The following LMTK2 variants were observed in gnomAD, a reference collection of about 807,000 sequenced individuals.
LMTK2 encodes the protein serine/threonine-protein kinase LMTK2.
In LMTK2, 37 loss-of-function variants were observed where a neutral mutation model predicts 127.5. That is an observed-to-expected ratio of 0.29 (90% CI 0.22 to 0.38). LMTK2 has a LOEUF of 0.38. LMTK2 is among the 10% of genes least tolerant of loss of function. The probability of loss-of-function intolerance (pLI) is 1.00; values close to 1 mark genes in which losing one functional copy is unlikely to be tolerated. For synonymous variants in LMTK2, 819 were observed against 810.1 expected (o/e 1.01, Z -0.19); for missense variants, 1,694 against 1,920.3 (o/e 0.88, Z 2.20).
intron 2 of LMTK2, among the ~76,000 whole-genome samples, chr7:98,140,147 C>CG (rs1796664864): frequency 3.2e-5 from 2 of 62,748 alleles, no homozygotes; most frequent in African/African-American, 2.5e-4. Context: ...TCTTTCTTTT[C>CG]TTTTCTTTTC....
chr7:98,187,463 C>T (rs529592744), intron 9 of LMTK2, among the ~76,000 whole-genome samples: 1 of 151,778 alleles, frequency 6.6e-6, no homozygotes, highest in East Asian at 1.9e-4. Context: ...TGCTGTTGTC[C>T]TGCTTTTTTT....
intron 5 of LMTK2, among the ~76,000 whole-genome samples, chr7:98,157,251 C>CGGTAGGTA (rs60034734): frequency 2.0e-4 from 28 of 142,046 alleles, no homozygotes; most frequent in African/African-American, 5.5e-4. Context: ...GACCCTGTCT[C>CGGTAGGTA]GGTAGGTAGG....
At chr7:98,198,676 C>T (rs991018115) in intron 11 of LMTK2, among the ~76,000 whole-genome samples, 2 of 152,026 alleles carry the variant, frequency 1.3e-5, no homozygotes, top group African/African-American at 4.8e-5. Flanking sequence ...TTTTTTGTTT[C>T]GTCATGTTGC....
intron 1 of LMTK2, among the ~76,000 whole-genome samples, chr7:98,122,393 A>C (rs1450512741): frequency 1.3e-5 from 2 of 152,142 alleles, no homozygotes; most frequent in Non-Finnish European, 2.9e-5. Context: ...GGAATCCGCA[A>C]CTGCTGTAGG....
intron 2 of LMTK2, among the ~76,000 whole-genome samples, chr7:98,140,509 TAC>T (rs1796680500): frequency 6.6e-6 from 1 of 152,120 alleles, no homozygotes; most frequent in Non-Finnish European, 1.5e-5. Context: ...ATATGTTAAT[TAC>T]ACTTATGCGT....
Position 98,192,543 on chromosome 7 carries a change from T to C in LMTK2, c.2078T>C (p.Ile693Thr), listed in dbSNP as rs56204700. The C allele has an allele frequency of 0.042, 67,758 of 1,612,408 alleles. 5,333 individuals are homozygous for C. The highest frequency in any genetic ancestry group is 0.33 in the East Asian group (14,742 of 44,866). ...GHFEKEKPRK[I>T]FDSEPLCLSD... Reference sequence around the variant, plus strand: ...TTTGAGAAAGAAAAGCCCCGTAAGATTTTTGACAGTGAGCCTCTCTGCCTA... The same window carrying C: ...TTTGAGAAAGAAAAGCCCCGTAAGACTTTTGACAGTGAGCCTCTCTGCCTA... Residue 693 changes from isoleucine (I) to threonine (T), a missense_variant, in exon 11 of 14, where the codon ATT (isoleucine) becomes ACT (threonine). Transcript: ENST00000297293.
Position 98,192,722 on chromosome 7 carries a change from G to A in LMTK2, c.2257G>A (p.Gly753Ser). The A allele has an allele frequency of 6.2e-7, 1 of 1,612,414 alleles. No individual in the cohort carries two copies. Among genetic ancestry groups the A allele is most frequent in the South Asian group, 1.1e-5 (1 of 90,844 alleles). Residue 753 changes from glycine (G) to serine (S), a missense_variant, in exon 11 of 14, where the codon GGT (glycine) becomes AGT (serine). Transcript: ENST00000297293. ...TCTTCAGACAGAACTTAAGAATGCTGGTTTTACTGAAGCTATGTTAGAAAC... is the reference window on the plus strand; with the variant it reads ...TCTTCAGACAGAACTTAAGAATGCTAGTTTTACTGAAGCTATGTTAGAAAC... ...NDLQTELKNA[G>S]FTEAMLETSC...
intron 7 of LMTK2, among the ~76,000 whole-genome samples, chr7:98,184,848 T>C (rs1162531347): frequency 6.6e-6 from 1 of 152,230 alleles, no homozygotes; most frequent in Admixed American, 6.5e-5. Flanking sequence ...TGCCTAAAAG[T>C]GTGATCATCT....
Position 98,193,939 on chromosome 7 carries a change from C to T in LMTK2, c.3474C>T (p.Ser1158=). The T allele has an allele frequency of 6.2e-7, 1 of 1,614,102 alleles. No homozygotes were observed. The highest frequency in any genetic ancestry group is 8.5e-7 in the Non-Finnish European group (1 of 1,180,044). ...ATAGCTGCCTGGAAGCCAGAAAGAG[C>T]CAGCCAGATGAAAGTTGTCTGTCTG... The part of the protein sequence containing the change: ...AQDSCLEARK[S]QPDESCLSAL... The change falls in exon 11 of 14, where the codon AGC becomes AGT. Residue 1158 remains serine, a synonymous_variant. Coordinates refer to ENST00000297293, the MANE Select transcript of LMTK2 (RefSeq NM_014916.4). The surrounding 1 kb of genome is among the most constrained non-coding windows in gnomAD (Gnocchi z 4.1).
chr7:98,171,802 GCGATCTC>G lies in LMTK2; in HGVS notation c.791+129_791+135del. On this transcript the variant is annotated intron_variant, in intron 7 of 13. Transcript: ENST00000297293. The surrounding 1 kb of genome is among the most constrained non-coding windows in gnomAD (Gnocchi z 5.1). ...ATGAACCCAGCTCATGTAGGTAGAA[GCGATCTC>G]GTTCTTACCCATGTCCGGATAAGGG... The G allele has an allele frequency of 9.5e-7, 1 of 1,055,436 alleles. No homozygotes were observed. 65.4% of individuals were successfully genotyped at this position (1,055,436 alleles called of 1,614,324 possible).
chr7:98,160,030 T>C (rs1366714808), intron 6 of LMTK2, among the ~76,000 whole-genome samples: 10 of 152,230 alleles, frequency 6.6e-5, no homozygotes, highest in Non-Finnish European at 1.0e-4. Context: ...CAGTAGTAAT[T>C]TCTATGTGAA....
intron 7 of LMTK2, among the ~76,000 whole-genome samples, chr7:98,179,907 C>T (rs1404557394): frequency 6.6e-6 from 1 of 152,188 alleles, no homozygotes; most frequent in East Asian, 1.9e-4. Context: ...ACTGCATCAT[C>T]GTTGAGAGTT....
At chr7:98,172,501 C>T (rs145821960) in intron 7 of LMTK2, among the ~76,000 whole-genome samples, 76 of 152,118 alleles carry the variant, frequency 5.0e-4, no homozygotes, top group African/African-American at 1.6e-3. Context: ...CTTGGAGTCC[C>T]GTCTCAAATG....
intron 11 of LMTK2, among the ~76,000 whole-genome samples, chr7:98,202,971 GA>G (rs1215903432): frequency 2.0e-5 from 3 of 152,146 alleles, no homozygotes; most frequent in African/African-American, 4.8e-5. Flanking sequence ...GGACAGAAGG[GA>G]AAAAAACTCA....
At chr7:98,158,311 G>A (rs1278636485) in intron 5 of LMTK2, among the ~76,000 whole-genome samples, 1 of 152,138 alleles carries the variant, frequency 6.6e-6, no homozygotes, top group Non-Finnish European at 1.5e-5. Context: ...GTCTTGTTTT[G>A]TCCCCCGGGC....
At chr7:98,172,436 G>A (rs1325046018) in intron 7 of LMTK2, among the ~76,000 whole-genome samples, 2 of 151,382 alleles carry the variant, frequency 1.3e-5, no homozygotes, top group Non-Finnish European at 2.9e-5. Flanking sequence ...TTTGGAACAC[G>A]TTATATTTTG....
intron 11 of LMTK2, among the ~76,000 whole-genome samples, chr7:98,200,215 A>G (rs1003424286): frequency 1.3e-5 from 2 of 152,120 alleles, no homozygotes; most frequent in South Asian, 2.1e-4. Flanking sequence ...TGGAAACCCT[A>G]CTGTCACTTA....
intron 1 of LMTK2, among the ~76,000 whole-genome samples, chr7:98,122,379 T>A (rs1370879521): frequency 1.3e-5 from 2 of 152,148 alleles, no homozygotes; most frequent in Non-Finnish European, 2.9e-5. Flanking sequence ...CCTGGATGGT[T>A]TTAGGAATCC....
chr7:98,156,038 T>A (rs1270524264), intron 5 of LMTK2, among the ~76,000 whole-genome samples: 1 of 151,844 alleles, frequency 6.6e-6, no homozygotes, highest in Non-Finnish European at 1.5e-5. Context: ...AAAACCTAAT[T>A]CAAAAATTGT....
Sources: gnomAD v4.1 joint callset for allele counts (sites outside exome capture counted in the v4.1 genomes callset) on GRCh38, gnomAD v4.1.1 for gene constraint, Gnocchi (gnomAD v3.1) non-coding constraint, MANE v1.5 for transcripts, NCBI Gene and HGNC (gene_info 2026-07-23, HGNC 2026-07-21) for gene names.